Variants in ESRRG observed in about 807,000 individuals in gnomAD.
ESRRG encodes the protein estrogen-related receptor gamma.
A neutral mutation model predicts 44.0 loss-of-function variants in ESRRG; 13 were observed. The observed-to-expected ratio is 0.30, with a 90% CI of 0.19 to 0.47. The LOEUF (loss-of-function observed/expected upper bound fraction) is 0.47. ESRRG is among the 20% of genes least tolerant of loss of function. The pLI is 1.00. For missense variants in ESRRG, 395 were observed against 580.6 expected (o/e 0.68, Z 3.29); for synonymous variants, 215 against 214.6 (o/e 1.00, Z -0.02).
chr1:216,890,887 T>C (rs1044466337), intron 2 of ESRRG, among the ~76,000 whole-genome samples: 1 of 152,152 alleles, frequency 6.6e-6, no homozygotes, highest in Non-Finnish European at 1.5e-5. Context: ...AATGTTTGTG[T>C]CCCTACTATG....
chr1:216,999,536 T>C (rs909153167), intron 1 of ESRRG, among the ~76,000 whole-genome samples: 1 of 152,130 alleles, frequency 6.6e-6, no homozygotes, highest in Non-Finnish European at 1.5e-5. Flanking sequence ...TTCAAGCCCA[T>C]CCCAGGTCTA....
At chr1:216,809,398 T>C (rs1020840422) in intron 2 of ESRRG, among the ~76,000 whole-genome samples, 1 of 150,258 alleles carries the variant, frequency 6.7e-6, no homozygotes, top group Non-Finnish European at 1.5e-5. Context: ...ACAAAATGAA[T>C]TGGGGACAAT....
At chr1:216,633,198 T>C (rs1341015167) in intron 3 of ESRRG, among the ~76,000 whole-genome samples, 1 of 152,214 alleles carries the variant, frequency 6.6e-6, no homozygotes, top group Non-Finnish European at 1.5e-5. Context: ...GGCAGGCACA[T>C]TGCATAATCC....
In ESRRG at chr1:216,677,436, A is replaced by T; in HGVS notation, c.112T>A (p.Phe38Ile). Residue 38 changes from phenylalanine (F) to isoleucine (I), a missense_variant, in exon 2 of 7, where the codon TTC becomes ATC. Physicochemically the swap from Phe to Ile is conservative, Grantham distance 21. Coordinates refer to ENST00000408911, the MANE Select transcript of ESRRG (RefSeq NM_001438.4). ...DRHIDSSCSS[F>I]IKTEPSSPAS... ...GGGCTGGAAGGTTCCGTCTTGATGA[A>T]GGACGAACAGCTGGAATCAATGTGT... 12 of 1,614,002 alleles carry T rather than the reference A, an allele frequency of 7.4e-6. No individual in the cohort carries two copies. Among genetic ancestry groups the T allele is most frequent in the Non-Finnish European group, 9.3e-6 (11 of 1,179,950 alleles).
At chr1:216,693,683 A>T (rs770249810) in intron 1 of ESRRG, among the ~76,000 whole-genome samples, 11 of 152,172 alleles carry the variant, frequency 7.2e-5, no homozygotes, top group Non-Finnish European at 1.6e-4. Context: ...GCAATTAAAA[A>T]GTCTGTACAT....
intron 1 of ESRRG, chr1:217,000,822 CTGTG>C (rs1490471675): frequency 2.0e-5 from 3 of 152,216 alleles, no homozygotes. Context: ...CCTATGCACT[CTGTG>C]TGTGTTCCAT....
chr1:216,626,230 A>G (rs2063164043), intron 3 of ESRRG, among the ~76,000 whole-genome samples: 1 of 152,136 alleles, frequency 6.6e-6, no homozygotes, highest in Admixed American at 6.6e-5. Context: ...GAGTTTCTGC[A>G]ATACCACGTT....
At chr1:216,692,977 T>C (rs1456061980) in intron 1 of ESRRG, among the ~76,000 whole-genome samples, 2 of 152,200 alleles carry the variant, frequency 1.3e-5, no homozygotes, top group African/African-American at 4.8e-5. Flanking sequence ...TCCCAGAACA[T>C]ATCCTTGTTG....
intron 2 of ESRRG, among the ~76,000 whole-genome samples, chr1:216,756,754 C>T (rs946920441): frequency 1.3e-5 from 2 of 151,870 alleles, no homozygotes; most frequent in African/African-American, 4.8e-5. Flanking sequence ...TGAAAATACT[C>T]TTAGTACTCT....
chr1:216,677,587 G>A, intron 1 of ESRRG, 96 bp from the exon 2 acceptor site: 1 of 1,082,370 alleles, frequency 9.2e-7, no homozygotes, highest in Non-Finnish European at 1.3e-6. Context: ...GTGAAAAATA[G>A]AGAAAGGGAA....
At chr1:217,085,267 G>A (rs977171642) in intron 1 of ESRRG, among the ~76,000 whole-genome samples, 39 of 151,992 alleles carry the variant, frequency 2.6e-4, no homozygotes, top group African/African-American at 9.2e-4. Flanking sequence ...CTAGTTCTCT[G>A]AACCATAAGG....
At chr1:216,881,752 G>A (rs2096451989) in intron 2 of ESRRG, among the ~76,000 whole-genome samples, 1 of 152,128 alleles carries the variant, frequency 6.6e-6, no homozygotes. Flanking sequence ...ACAAATATAT[G>A]AAAGGAGGAT....
At chr1:216,928,587 T>C (rs1010111580) in intron 2 of ESRRG, among the ~76,000 whole-genome samples, 4 of 152,182 alleles carry the variant, frequency 2.6e-5, no homozygotes, top group Admixed American at 2.6e-4. Flanking sequence ...CATCTATCCT[T>C]TCCTTCCCTG....
intron 2 of ESRRG, among the ~76,000 whole-genome samples, chr1:216,769,773 G>A (rs2093301394): frequency 6.6e-6 from 1 of 152,038 alleles, no homozygotes; most frequent in South Asian, 2.1e-4. Context: ...GATAATAGAG[G>A]TTTATAAACA....
chr1:216,892,984 A>G (rs975496934), intron 2 of ESRRG, among the ~76,000 whole-genome samples: 18 of 152,142 alleles, frequency 1.2e-4, no homozygotes, highest in African/African-American at 4.3e-4. Flanking sequence ...TCTGCCCACA[A>G]GAATAAAGTC....
chr1:216,628,687 T>C (rs2063595905), intron 3 of ESRRG, among the ~76,000 whole-genome samples: 1 of 152,208 alleles, frequency 6.6e-6, no homozygotes, highest in Non-Finnish European at 1.5e-5. Flanking sequence ...ATTCATTCAT[T>C]CCCTGAAGTT....
intron 6 of ESRRG, among the ~76,000 whole-genome samples, chr1:216,510,806 G>A (rs548287526): frequency 5.3e-5 from 8 of 152,170 alleles, no homozygotes; most frequent in South Asian, 2.1e-4. Context: ...CCCGGGAGGC[G>A]GAGATGGCAG....
intron 2 of ESRRG, among the ~76,000 whole-genome samples, chr1:216,668,139 A>C (rs534950709): frequency 3.9e-4 from 60 of 152,330 alleles, no homozygotes; most frequent in African/African-American, 1.4e-3. Context: ...ATATCAGCAG[A>C]GGAATATGAA....
intron 1 of ESRRG, among the ~76,000 whole-genome samples, chr1:216,996,069 A>G (rs530851489): frequency 6.6e-6 from 1 of 152,298 alleles, no homozygotes; most frequent in East Asian, 1.9e-4. Context: ...TCCCCTTGCT[A>G]AAAGAGTTTT....
Sources: allele counts gnomAD v4.1 joint callset (sites outside exome capture counted in the v4.1 genomes callset), GRCh38; gene constraint gnomAD v4.1.1; transcripts MANE v1.5; gene names NCBI Gene and HGNC (gene_info 2026-07-23, HGNC 2026-07-21).